Variants in FCHO1 observed in about 807,000 individuals in gnomAD.
The protein encoded by FCHO1 is FCH and mu domain containing endocytic adaptor 1.
FCHO1 carries 45 observed loss-of-function variants against 114.4 expected under a neutral mutation model. The observed-to-expected ratio is 0.39, with a 90% CI of 0.31 to 0.50. The LOEUF is 0.50. Among genes scored for constraint, FCHO1 ranks in the 20% least tolerant of loss-of-function variants. The pLI, the probability that FCHO1 is intolerant of heterozygous loss-of-function variation, is 0.77. For synonymous variants in FCHO1, 480 were observed against 488.9 expected (o/e 0.98, Z 0.24); for missense variants, 1,042 against 1,209.6 (o/e 0.86, Z 2.06).
At position 17,773,643 on chromosome 19, in the gene FCHO1, C is replaced by T. The variant is rs117639983; in HGVS notation, c.791-596C>T. ...CTGCACAGACGCATGGTCCATTCCCCGACCCAACCCAAGTTCCAGCCACAA... is the reference window on the plus strand; with the variant it reads ...CTGCACAGACGCATGGTCCATTCCCTGACCCAACCCAAGTTCCAGCCACAA... On this transcript the variant is annotated intron_variant, in intron 11 of 28. Transcript: ENST00000596536. Among the ~76,000 whole-genome samples, 690 of 152,264 alleles carry T rather than the reference C, an allele frequency of 4.5e-3. 4 individuals are homozygous for T. Among genetic ancestry groups the T allele is most frequent in the Non-Finnish European group, 7.0e-3 (473 of 68,016 alleles).
chr19:17,773,541 C>T (rs1324467211), intron 11 of FCHO1, among the ~76,000 whole-genome samples: 1 of 152,206 alleles, frequency 6.6e-6, no homozygotes, highest in Non-Finnish European at 1.5e-5. Context: ...TCCTCCTGCT[C>T]ACACACCTTC....
At chr19:17,764,718 T>C (rs766007086) in intron 6 of FCHO1, among the ~76,000 whole-genome samples, 3 of 152,090 alleles carry the variant, frequency 2.0e-5, no homozygotes, top group Non-Finnish European at 4.4e-5. Flanking sequence ...CTGGGCTGTG[T>C]GAGAAGAGAG....
At position 17,776,817 on chromosome 19, in the gene FCHO1, T is replaced by C. The variant is rs2092693233; in HGVS notation, c.1259+131T>C. The C allele has an allele frequency of 1.2e-6, 1 of 861,112 alleles. No homozygotes were observed. The highest frequency in any genetic ancestry group is 1.8e-6 in the Non-Finnish European group (1 of 554,786). 53.3% of individuals were successfully genotyped at this position (861,112 alleles called of 1,614,324 possible). A position where few individuals can be genotyped will look rare whatever the true frequency, so the allele number is the denominator to read the frequency against. Reference sequence around the variant, plus strand: ...TGCTGGGGTTTTTTTGTTTTTGTTTTTGTTTTGAGACAGAGTCTCACTCTG... The same window carrying C: ...TGCTGGGGTTTTTTTGTTTTTGTTTCTGTTTTGAGACAGAGTCTCACTCTG... On this transcript the variant is annotated intron_variant, in intron 18 of 28. Coordinates refer to ENST00000596536, the MANE Select transcript of FCHO1 (RefSeq NM_015122.3). The surrounding 1 kb of genome is among the most constrained non-coding windows in gnomAD (Gnocchi z 4.4).
At position 17,783,028 on chromosome 19, in the gene FCHO1, G is replaced by A. The variant is rs150758103; in HGVS notation, c.1949G>A (p.Arg650Gln). 1.0e-4 allele frequency: 163 copies of A among 1,614,084 alleles called. 3 individuals are homozygous for A. The Admixed American group carries it at 1.4e-3, about 14-fold the overall frequency. Residue 650 changes from arginine (R) to glutamine (Q), a missense_variant, in exon 24 of 29, where the codon CGA (arginine) becomes CAA (glutamine). This residue lies in a region of FCHO1 where 455 missense variants were observed against 455.4 expected (regional missense o/e 1.00). Coordinates refer to ENST00000596536, the MANE Select transcript of FCHO1 (RefSeq NM_015122.3). Reference protein sequence around the residue: ...FRGHSPSCLARVTGELTMTFP... With the variant: ...FRGHSPSCLAQVTGELTMTFP... ...CTCATCCTCCCTAGCTGCCTGGCTC[G>A]AGTAACTGGGGAGCTGACCATGACC...
intron 4 of FCHO1, among the ~76,000 whole-genome samples, chr19:17,757,921 A>T (rs1286737916): frequency 6.6e-6 from 1 of 151,058 alleles, no homozygotes; most frequent in African/African-American, 2.4e-5. Context: ...GTCTCAAAAA[A>T]AAAAAAAAAA....
At chr19:17,766,594 C>T in intron 6 of FCHO1, 75 bp from the exon 7 acceptor site, 1 of 1,582,918 alleles carries the variant, frequency 6.3e-7, no homozygotes, top group Non-Finnish European at 8.6e-7. Context: ...GCAGCACATA[C>T]CTGAGCCAGT....
intron 5 of FCHO1, among the ~76,000 whole-genome samples, chr19:17,763,929 C>T (rs950829784): frequency 6.6e-6 from 1 of 152,026 alleles, no homozygotes; most frequent in African/African-American, 2.4e-5. Flanking sequence ...AAACATCCCT[C>T]AGAGTGTTGT....
At position 17,776,985 on chromosome 19, in the gene FCHO1, A is replaced by G. The variant is rs2092710673; in HGVS notation, c.1259+299A>G. 1.3e-5 allele frequency among the ~76,000 whole-genome samples: 2 copies of G among 151,726 alleles called. No homozygotes were observed. Among genetic ancestry groups the G allele is most frequent in the African/African-American group, 4.8e-5 (2 of 41,318 alleles). ...GCTAACTTTTGTATTTTTAGTAGAGACAGGGTTTCACCATGTTGGCCCGGC... is the reference window on the plus strand; with the variant it reads ...GCTAACTTTTGTATTTTTAGTAGAGGCAGGGTTTCACCATGTTGGCCCGGC... On this transcript the variant is annotated intron_variant, in intron 18 of 28. Coordinates refer to ENST00000596536, the MANE Select transcript of FCHO1 (RefSeq NM_015122.3). The surrounding 1 kb of genome is among the most constrained non-coding windows in gnomAD (Gnocchi z 4.4).
chr19:17,770,967 TC>T, intron 9 of FCHO1, 71 bp downstream of exon 9: 1 of 1,376,772 alleles, frequency 7.3e-7, no homozygotes, highest in Non-Finnish European at 1.0e-6. Context: ...ACTGCAGAAA[TC>T]CCAGGCAGGG....
intron 1 of FCHO1, among the ~76,000 whole-genome samples, chr19:17,753,408 C>T (rs563137749): frequency 2.6e-5 from 4 of 152,362 alleles, no homozygotes; most frequent in African/African-American, 9.6e-5. Context: ...AAAACCCCAA[C>T]TCCCATGAGC....
At chr19:17,781,186 G>C (rs765745786) in intron 20 of FCHO1, 45 bp from the exon 21 acceptor site, 2 of 1,430,346 alleles carry the variant, frequency 1.4e-6, no homozygotes, top group Non-Finnish European at 1.9e-6. Flanking sequence ...GGCCCCAGAG[G>C]CCCCGGGCAG....
Position 17,775,437 on chromosome 19 carries a change from T to C in FCHO1, c.946-19T>C, listed in dbSNP as rs377023251. On this transcript the variant is annotated intron_variant, in intron 14 of 28. Transcript: ENST00000596536. The surrounding 1 kb of genome is among the most constrained non-coding windows in gnomAD (Gnocchi z 5.1). ...GATAGTGGGGCGCCTGACTCACTGC[T>C]GCCCCCTGACTCCCCTAGACATGTC... is the stretch of plus-strand genomic sequence containing the variant. 6.2e-6 allele frequency: 10 copies of C among 1,612,118 alleles called. No individual in the cohort carries two copies.
At chr19:17,787,921 G>A (rs868553757) in intron 28 of FCHO1, 75 bp downstream of exon 28, 1 of 1,505,598 alleles carries the variant, frequency 6.6e-7, no homozygotes, top group Middle Eastern at 2.2e-4. Context: ...GTGTGGGGAG[G>A]GATTGGGGTG....
chr19:17,766,995 C>G (rs760884422), intron 7 of FCHO1, among the ~76,000 whole-genome samples, 185 bp downstream of exon 7: 2 of 152,218 alleles, frequency 1.3e-5, no homozygotes, highest in Non-Finnish European at 2.9e-5. Context: ...TTGCAAAATT[C>G]CAGACCAGGA....
upstream of FCHO1, among the ~76,000 whole-genome samples, chr19:17,749,745 TTGTC>T (rs1599495405): frequency 6.6e-6 from 1 of 152,104 alleles, no homozygotes; most frequent in African/African-American, 2.4e-5. Context: ...TCAAGCCAGA[TTGTC>T]TGTGATCGCA....
At chr19:17,769,649 C>T (rs932131449) in intron 7 of FCHO1, among the ~76,000 whole-genome samples, 4 of 149,696 alleles carry the variant, frequency 2.7e-5, no homozygotes, top group African/African-American at 7.4e-5. Context: ...GTGAGTTAAG[C>T]AACACAGTCT....
intron 20 of FCHO1, among the ~76,000 whole-genome samples, chr19:17,780,651 G>A (rs989406352): frequency 8.5e-5 from 13 of 152,232 alleles, no homozygotes; most frequent in East Asian, 5.8e-4. Flanking sequence ...GAATGGTCCA[G>A]CCCCCAAATA....
In FCHO1 at chr19:17,755,273, C is replaced by G. The variant is rs558300988; in HGVS notation, c.27+82C>G. 1.0e-5 allele frequency: 13 copies of G among 1,249,998 alleles called. No individual in the cohort carries two copies. The African/African-American group carries it at 1.5e-4, about 14-fold the overall frequency. 77.4% of individuals were successfully genotyped at this position (1,249,998 alleles called of 1,614,324 possible). On this transcript the variant is annotated intron_variant, in intron 4 of 28. Coordinates refer to ENST00000596536, the MANE Select transcript of FCHO1 (RefSeq NM_015122.3). ...GGAGATGGGAGGACTGGGTGAGTTG[C>G]GGTTACAGCCTTGGACAGGTAGAGG...
intron 4 of FCHO1, among the ~76,000 whole-genome samples, chr19:17,762,432 C>A (rs1568327359): frequency 6.6e-6 from 1 of 151,898 alleles, no homozygotes; most frequent in African/African-American, 2.4e-5. Flanking sequence ...GGGGAGGAGA[C>A]TGAGACAGAA....
Sources: allele counts gnomAD v4.1 joint callset (sites outside exome capture counted in the v4.1 genomes callset), GRCh38; gene constraint gnomAD v4.1.1; regional missense constraint gnomAD v4.1.1; non-coding constraint Gnocchi (gnomAD v3.1); transcripts MANE v1.5; gene names NCBI Gene and HGNC (gene_info 2026-07-23, HGNC 2026-07-21).